Variants in NUP62CL observed in about 807,000 individuals in gnomAD.
NUP62CL encodes nucleoporin 62 C-terminal like.
In NUP62CL, 13 loss-of-function variants were observed where a neutral mutation model predicts 15.3. The observed-to-expected ratio is 0.85, with a 90% CI of 0.55 to 1.35. The LOEUF (loss-of-function observed/expected upper bound fraction) is 1.35, where lower values mean the gene tolerates loss of function less well. Ranked by LOEUF, NUP62CL falls within the 40% of genes most tolerant of loss-of-function variation. NUP62CL has a pLI of 0.00. For synonymous variants in NUP62CL, 54 were observed against 49.2 expected, an observed-to-expected ratio of 1.10 and a Z score of -0.41; for missense variants, 123 against 130.6, an observed-to-expected ratio of 0.94 and a Z score of 0.28.
chrX:107,136,552 TA>T (rs1925643273), intron 8 of NUP62CL, among the ~76,000 whole-genome samples: 1 of 112,150 alleles, frequency 8.9e-6, no homozygotes, highest in South Asian at 3.7e-4. Context: ...GCCAGTATTA[TA>T]CTATTACCAA....
chrX:107,201,122 A>G (rs1057019011), intron 1 of NUP62CL, among the ~76,000 whole-genome samples: 4 of 112,089 alleles, frequency 3.6e-5, no homozygotes, highest in African/African-American at 9.7e-5. Context: ...CAGAAAATAA[A>G]GCAATTAAAC....
intron 4 of NUP62CL, among the ~76,000 whole-genome samples, chrX:107,160,702 A>G: frequency 9.0e-6 from 1 of 110,923 alleles, no homozygotes; most frequent in Non-Finnish European, 1.9e-5. Flanking sequence ...AGGCATTACC[A>G]TTCAGGACAT....
intron 8 of NUP62CL, among the ~76,000 whole-genome samples, chrX:107,143,353 T>G (rs935238286): frequency 9.0e-6 from 1 of 110,679 alleles, no homozygotes; most frequent in Non-Finnish European, 1.9e-5. Flanking sequence ...CCCAAGTAGC[T>G]GGAACCACAG....
chrX:107,142,573 CAAGTAT>C (rs1390585152), intron 8 of NUP62CL, among the ~76,000 whole-genome samples: 1 of 111,836 alleles, frequency 8.9e-6, no homozygotes, highest in Non-Finnish European at 1.9e-5. Context: ...CAAATAATTA[CAAGTAT>C]AAGATTTTTC....
intron 4 of NUP62CL, among the ~76,000 whole-genome samples, chrX:107,163,869 G>C (rs1023130485): frequency 9.0e-6 from 1 of 111,435 alleles, no homozygotes; most frequent in Non-Finnish European, 1.9e-5. Flanking sequence ...AATAAAAACT[G>C]ATAGAGCTAA....
At chrX:107,190,174 T>C (rs1443904735) in intron 2 of NUP62CL, among the ~76,000 whole-genome samples, 1 of 111,918 alleles carries the variant, frequency 8.9e-6, no homozygotes, top group Non-Finnish European at 1.9e-5. Flanking sequence ...GTATATAAGA[T>C]GTCTCCACTA....
chrX:107,186,281 A>G (rs1397381155), intron 2 of NUP62CL, among the ~76,000 whole-genome samples: 2 of 111,822 alleles, frequency 1.8e-5, no homozygotes, highest in African/African-American at 6.5e-5. Flanking sequence ...CATTTTTAAA[A>G]ATCAATTTAT....
Position 107,163,771 on chromosome X carries a change from TAC to T in NUP62CL, c.194+3876_194+3877del, listed in dbSNP as rs1470731544. On this transcript the variant is annotated intron_variant, in intron 4 of 8. Coordinates refer to ENST00000372466, the MANE Select transcript of NUP62CL (RefSeq NM_017681.3). ...AATTACTAGAACCAAAGAGAGACAT[TAC>T]AGAGTGATAAAGGAATCAAGGCATC... 5.4e-5 allele frequency among the ~76,000 whole-genome samples: 6 copies of T among 111,675 alleles called. No individual in the cohort carries two copies. The Admixed American group carries it at 5.7e-4, about 11-fold the overall frequency.
intron 2 of NUP62CL, among the ~76,000 whole-genome samples, chrX:107,185,248 A>C (rs980044637): frequency 2.7e-5 from 3 of 110,138 alleles, no homozygotes; most frequent in Non-Finnish European, 5.7e-5. Context: ...TTAAAACAGA[A>C]AGGAAAGTAT....
chrX:107,141,165 T>C (rs1159388261), intron 8 of NUP62CL, among the ~76,000 whole-genome samples: 1 of 111,642 alleles, frequency 9.0e-6, no homozygotes, highest in South Asian at 3.8e-4. Flanking sequence ...GAAAAGGAAG[T>C]TTGGGAAGTG....
intron 8 of NUP62CL, 104 bp from the exon 9 acceptor site, chrX:107,124,436 C>A: frequency 3.2e-6 from 1 of 311,800 alleles, no homozygotes; most frequent in Non-Finnish European, 6.2e-6. Context: ...TTTTACATAG[C>A]AATTTCAATA....
At chrX:107,182,816 C>A (rs1480415624) in intron 2 of NUP62CL, among the ~76,000 whole-genome samples, 6 of 110,919 alleles carry the variant, frequency 5.4e-5, no homozygotes, top group Non-Finnish European at 1.1e-4. Context: ...ACAAAATAAC[C>A]AAAAAAATAA....
chrX:107,204,965 TTAAA>T (rs1207111354), intron 1 of NUP62CL, among the ~76,000 whole-genome samples: 7 of 108,091 alleles, frequency 6.5e-5, no homozygotes, highest in Non-Finnish European at 1.1e-4. Flanking sequence ...TAAATAAATT[TTAAA>T]TAAAGTGCAC....
chrX:107,179,210 A>T (rs1482283178), intron 2 of NUP62CL, among the ~76,000 whole-genome samples: 2 of 111,490 alleles, frequency 1.8e-5, no homozygotes, highest in African/African-American at 6.5e-5. Context: ...TGCTACTTCA[A>T]TTTTTTCATT....
At chrX:107,160,316 A>G (rs1200400465) in intron 4 of NUP62CL, among the ~76,000 whole-genome samples, 2 of 106,204 alleles carry the variant, frequency 1.9e-5, no homozygotes, top group Non-Finnish European at 3.8e-5. Flanking sequence ...AAGAGCCCGC[A>G]TCACCAAGTC....
At chrX:107,131,709 A>T in intron 8 of NUP62CL, 1 of 746,816 alleles carries the variant, frequency 1.3e-6, no homozygotes, top group Non-Finnish European at 2.1e-6. Context: ...GTTCTAGTGG[A>T]ATTATCAGGA....
intron 2 of NUP62CL, among the ~76,000 whole-genome samples, chrX:107,185,560 A>G (rs1242498831): frequency 1.8e-5 from 2 of 111,422 alleles, no homozygotes; most frequent in Non-Finnish European, 3.8e-5. Flanking sequence ...ACTGTATATG[A>G]TATCTAGAGT....
chrX:107,203,554 CTTTTCAAAGGACACATAGTATCTTA>C (rs894235186), intron 1 of NUP62CL, among the ~76,000 whole-genome samples: 4 of 111,130 alleles, frequency 3.6e-5, no homozygotes, highest in East Asian at 2.8e-4. Flanking sequence ...CTACATCTCC[CTTTTCAAAGGACACATAGTATCTTA>C]TTTTCTGTTG....
At chrX:107,160,390 G>A (rs1214410086) in intron 4 of NUP62CL, among the ~76,000 whole-genome samples, 5 of 105,096 alleles carry the variant, frequency 4.8e-5, no homozygotes, top group East Asian at 3.1e-4. Flanking sequence ...ATACTACAAG[G>A]CTACAGTAAC....
Sources: allele counts gnomAD v4.1 joint callset (sites outside exome capture counted in the v4.1 genomes callset), GRCh38; gene constraint gnomAD v4.1.1; transcripts MANE v1.5; gene names NCBI Gene and HGNC (gene_info 2026-07-23, HGNC 2026-07-21).